NOXA1: variants seen among roughly 807,000 people sequenced by gnomAD.
NOXA1 encodes NADPH oxidase activator 1.
A neutral mutation model predicts 64.8 loss-of-function variants in NOXA1; 56 were observed. The observed-to-expected ratio is 0.86, with a 90% CI of 0.70 to 1.08. The LOEUF (loss-of-function observed/expected upper bound fraction) is 1.08. NOXA1 is among the 50% of genes least tolerant of loss of function. The probability of loss-of-function intolerance (pLI) is 0.00; values close to 1 mark genes in which losing one functional copy is unlikely to be tolerated. For missense variants in NOXA1, 668 were observed against 658.5 expected (o/e 1.01, Z -0.16); for synonymous variants, 295 against 294.8 (o/e 1.00, Z -0.01).
chr9:137,428,974 G>C lies in NOXA1; in HGVS notation c.462G>C (p.Glu154Asp), dbSNP rs748200255. The stretch of plus-strand genomic sequence containing the variant: ...GGGAGGCCATGTCCAAGTGGCCGGA[G>C]GGGTCCCTGAATGGCCTGGACTCAG... ...SLREAMSKWP[E>D]GSLNGLDSAL... is the part of the protein sequence containing the mutation. Residue 154 changes from glutamate to aspartate, a missense_variant, in exon 4 of 14, where the codon GAG becomes GAC. Glu to Asp is a conservative substitution (Grantham distance 45, BLOSUM62 2). Coordinates refer to ENST00000683555, the MANE Select transcript of NOXA1 (RefSeq NM_001256067.2). The C allele has an allele frequency of 2.3e-5, 36 of 1,598,632 alleles. No individual in the cohort carries two copies. The highest frequency in any genetic ancestry group is 3.0e-5 in the Non-Finnish European group (35 of 1,172,972).
intron 6 of NOXA1, 85 bp from the exon 7 acceptor site, chr9:137,430,990 G>A: frequency 6.2e-7 from 1 of 1,605,206 alleles, no homozygotes; most frequent in Non-Finnish European, 8.5e-7. Flanking sequence ...TGTAAGACCT[G>A]GGGAAACCAC....
chr9:137,433,335 C>G, intron 10 of NOXA1, 72 bp downstream of exon 10: 1 of 1,489,538 alleles, frequency 6.7e-7, no homozygotes, highest in Non-Finnish European at 9.0e-7. Flanking sequence ...CCCTCAGAAT[C>G]AAGGCTTGCA....
intron 5 of NOXA1, among the ~76,000 whole-genome samples, chr9:137,429,850 G>T (rs1250677761): frequency 5.2e-4 from 12 of 23,038 alleles, no homozygotes; most frequent in African/African-American, 1.6e-3. Flanking sequence ...GCGAGGTCCC[G>T]GGGGGGGGGG....
Position 137,434,061 on chromosome 9 carries a change from G to A in NOXA1, c.1276G>A (p.Val426Met). 15 of 1,580,298 alleles carry A rather than the reference G, an allele frequency of 9.5e-6. No homozygotes were observed. Among genetic ancestry groups the A allele is most frequent in the Non-Finnish European group, 1.3e-5 (15 of 1,167,816 alleles). Residue 426 changes from valine (V) to methionine (M), a missense_variant, in exon 13 of 14, where the codon GTG (valine) becomes ATG (methionine). By Grantham distance (21) the Val-to-Met change is conservative. Transcript: ENST00000683555. ...CCTGGGCTTCCGACAGGGGGACACGGTGGACGTCCTGTGTGAAGGTAGGGT... is the reference window on the plus strand; with the variant it reads ...CCTGGGCTTCCGACAGGGGGACACGATGGACGTCCTGTGTGAAGGTAGGGT... ...EDLGFRQGDT[V>M]DVLCEVDQAW...
chr9:137,428,549 G>A (rs1838939483), intron 3 of NOXA1, among the ~76,000 whole-genome samples: 1 of 151,824 alleles, frequency 6.6e-6, no homozygotes, highest in Non-Finnish European at 1.5e-5. Flanking sequence ...GAATAGCATT[G>A]TCTTTTAGGA....
Position 137,423,555 on chromosome 9 carries a change from G to C in NOXA1, c.26G>C (p.Arg9Pro). Residue 9 changes from arginine to proline, a missense_variant, in exon 1 of 14, where the codon CGC becomes CCC. Physicochemically the swap from Arg to Pro is moderately radical, Grantham distance 103 (BLOSUM62 -2). Transcript: ENST00000683555. MASLGDLV[R>P]AWHLGAQAVD... Reference sequence around the variant, plus strand: ...ATGGCCTCTCTGGGGGACCTGGTGCGCGCCTGGCACCTGGGCGCGCAGGCT... The same window carrying C: ...ATGGCCTCTCTGGGGGACCTGGTGCCCGCCTGGCACCTGGGCGCGCAGGCT... 1 of 1,445,814 alleles carries C rather than the reference G, an allele frequency of 6.9e-7. No homozygotes were observed. The highest frequency in any genetic ancestry group is 1.4e-5 in the South Asian group (1 of 70,974). The allele number at this position is 1,445,814 out of a possible 1,614,324, so 89.6% of individuals were successfully genotyped here. A position where few individuals can be genotyped will look rare whatever the true frequency, so the allele number is the denominator to read the frequency against.
At position 137,433,764 on chromosome 9, in the gene NOXA1, G is replaced by C. The variant is rs201168117; in HGVS notation, c.1079G>C (p.Gly360Ala). 4.2e-4 allele frequency: 619 copies of C among 1,457,720 alleles called. 6 individuals are homozygous for C. The highest frequency in any genetic ancestry group is 8.1e-5 in the Admixed American group (3 of 37,152). 90.3% of individuals were successfully genotyped at this position (1,457,720 alleles called of 1,614,324 possible). The change falls in exon 12 of 14, where the codon GGT (glycine) becomes GCT (alanine). Residue 360 changes from glycine to alanine, a missense_variant. Gly to Ala is a moderately conservative substitution (Grantham distance 60). Coordinates refer to ENST00000683555, the MANE Select transcript of NOXA1 (RefSeq NM_001256067.2). ...TCTCTTTGCAGTTACCTAGCCCCAGGTGAGGACGGGCACTGGGTCCCCATC... is the reference window on the plus strand; with the variant it reads ...TCTCTTTGCAGTTACCTAGCCCCAGCTGAGGACGGGCACTGGGTCCCCATC... ...QLGQLSYLAP[G>A]EDGHWVPIPE...
In NOXA1 at chr9:137,430,358, GCTGGCCACGCCCCGGA is replaced by G. The variant is rs1306764652; in HGVS notation, c.613-412_613-397del. 1.4e-4 allele frequency among the ~76,000 whole-genome samples: 21 copies of G among 152,252 alleles called. 1 individual carries two copies. The East Asian group carries it at 1.7e-3, about 13-fold the overall frequency. Reference sequence around the variant, plus strand: ...GTGGGCAAAGACTGGGTCACCCTTGGCTGGCCACGCCCCGGACTGGCCACGCCCCATTGGCTGGCCA... The same window carrying G: ...GTGGGCAAAGACTGGGTCACCCTTGGCTGGCCACGCCCCATTGGCTGGCCA... On this transcript the variant is annotated intron_variant, in intron 5 of 13. Transcript: ENST00000683555.
intron 6 of NOXA1, 24 bp downstream of exon 6, chr9:137,430,867 C>A (rs536209715): frequency 1.3e-6 from 2 of 1,565,498 alleles, no homozygotes. Flanking sequence ...CCCTCAGACC[C>A]CTGCCTGGCC....
rs1263678024 is a variant in NOXA1, at chr9:137,426,321, A to C, written c.251A>C (p.Gln84Pro). 4 of 1,613,726 alleles carry C rather than the reference A, an allele frequency of 2.5e-6. No individual in the cohort carries two copies. The South Asian group carries it at 4.4e-5, about 18-fold the overall frequency. ...GFFQRGVANF[Q>P]LARFQEALSD... ...TTCCAGCGAGGAGTGGCCAACTTCC[A>C]GCTGGCAAGGTGAGTACAGGGGTGC... Residue 84 changes from glutamine to proline, a missense_variant, in exon 2 of 14, where the codon CAG (glutamine) becomes CCG (proline). Coordinates refer to ENST00000683555, the MANE Select transcript of NOXA1 (RefSeq NM_001256067.2).
intron 5 of NOXA1, among the ~76,000 whole-genome samples, chr9:137,429,716 G>C (rs563793338): frequency 6.6e-6 from 1 of 152,048 alleles, no homozygotes; most frequent in African/African-American, 2.4e-5. Flanking sequence ...GTCTCTCTGC[G>C]TCCTTTCATG....
chr9:137,433,421 C>A, intron 10 of NOXA1, 32 bp from the exon 11 acceptor site: 1 of 1,573,374 alleles, frequency 6.4e-7, no homozygotes. Context: ...TGGGCCTCAG[C>A]GACCACCCCT....
chr9:137,434,234 A>G lies in NOXA1; in HGVS notation c.1305A>G (p.Ala435=), dbSNP rs1472566898. Reference sequence around the variant, plus strand: ...ATGTCCCCCTTGCAGTGGACCAGGCATGGCTGGAGGGCCACTGTGACGGCC... The same window carrying G: ...ATGTCCCCCTTGCAGTGGACCAGGCGTGGCTGGAGGGCCACTGTGACGGCC... ...TVDVLCEVDQ[A]WLEGHCDGRI... is the part of the protein sequence containing the mutation. The change falls in exon 14 of 14, where the codon GCA becomes GCG. Residue 435 remains alanine (A), a synonymous_variant. Transcript: ENST00000683555. 3.1e-6 allele frequency: 5 copies of G among 1,610,006 alleles called. No individual in the cohort carries two copies. Among genetic ancestry groups the G allele is most frequent in the Non-Finnish European group, 4.2e-6 (5 of 1,179,284 alleles).
rs1388827649 is a variant in NOXA1, at chr9:137,431,419, C to T, written c.804+78C>T. The T allele has an allele frequency of 8.3e-7, 1 of 1,204,784 alleles. No individual in the cohort carries two copies. Among genetic ancestry groups the T allele is most frequent in the Non-Finnish European group, 1.2e-6 (1 of 831,424 alleles). The allele number at this position is 1,204,784 out of a possible 1,614,324, so 74.6% of individuals were successfully genotyped here. ...CCGCAGACTGGGGACCACAATGGGA[C>T]CAACATGAGGGTGGAGGGAGCAGCT... On this transcript the variant is annotated intron_variant, in intron 8 of 13. Transcript: ENST00000683555. This position sits in a 1 kb window ranked among gnomAD's most constrained non-coding sequence, Gnocchi z 5.6.
At position 137,431,906 on chromosome 9, in the gene NOXA1, G is replaced by A. The variant is rs1326490503; in HGVS notation, c.804+565G>A. Among the ~76,000 whole-genome samples the A allele has an allele frequency of 1.3e-5, 2 of 152,188 alleles. No homozygotes were observed. The highest frequency in any genetic ancestry group is 2.9e-5 in the Non-Finnish European group (2 of 68,032). ...AAGGCACCTGCATTTCACGCTGAGC[G>A]CATCTGAGGATGCGATCAGGAAGCA... On this transcript the variant is annotated intron_variant, in intron 8 of 13. Coordinates refer to ENST00000683555, the MANE Select transcript of NOXA1 (RefSeq NM_001256067.2). This position sits in a 1 kb window ranked among gnomAD's most constrained non-coding sequence, Gnocchi z 5.6.
At position 137,429,306 on chromosome 9, in the gene NOXA1, C is replaced by A. The variant is rs150380019; in HGVS notation, c.535C>A (p.Pro179Thr). Reference sequence around the variant, plus strand: ...GGGCTCACTGCCGCCACGGCAGGTCCCCAGGGGCGAGGTCTTCCGGCCCCA... The same window carrying A: ...GGGCTCACTGCCGCCACGGCAGGTCACCAGGGGCGAGGTCTTCCGGCCCCA... The part of the protein sequence containing the change: ...RRGSLPPRQV[P>T]RGEVFRPHRW... Residue 179 changes from proline to threonine, a missense_variant, in exon 5 of 14, where the codon CCC becomes ACC. By Grantham distance (38) the Pro-to-Thr change is conservative. Transcript: ENST00000683555. The A allele has an allele frequency of 5.1e-6, 8 of 1,575,038 alleles. No individual in the cohort carries two copies. Among genetic ancestry groups the A allele is most frequent in the Non-Finnish European group, 6.0e-6 (7 of 1,161,380 alleles).
intron 4 of NOXA1, 99 bp from the exon 5 acceptor site, chr9:137,429,177 G>A (rs1005075794): frequency 7.6e-7 from 1 of 1,324,110 alleles, no homozygotes; most frequent in African/African-American, 1.5e-5. Flanking sequence ...GGGGGTGGGG[G>A]GCCCAAGCGG....
In NOXA1 at chr9:137,431,063, T is replaced by C. The variant is rs766118347; in HGVS notation, c.673-12T>C. 9.7e-5 allele frequency: 156 copies of C among 1,613,148 alleles called. No homozygotes were observed. Among genetic ancestry groups the C allele is most frequent in the Middle Eastern group, 4.9e-4 (3 of 6,082 alleles). ...CCTTAACCAGAGCGAGGTTGTTGCT[T>C]TGTGTCCACAGGGACCAGGAGCGAA... On this transcript the variant is annotated splice_polypyrimidine_tract_variant and intron_variant, in intron 6 of 13. Transcript: ENST00000683555. This position sits in a 1 kb window ranked among gnomAD's most constrained non-coding sequence, Gnocchi z 5.6.
At chr9:137,434,115 G>A (rs1209140551) in intron 13 of NOXA1, 36 bp downstream of exon 13, 6 of 1,582,266 alleles carry the variant, frequency 3.8e-6, no homozygotes, top group Non-Finnish European at 1.7e-6. Flanking sequence ...GCAGCACCGT[G>A]GTGCCCGGGG....
Sources: gnomAD v4.1 joint callset for allele counts (sites outside exome capture counted in the v4.1 genomes callset) on GRCh38, gnomAD v4.1.1 for gene constraint, Gnocchi (gnomAD v3.1) non-coding constraint, MANE v1.5 for transcripts, NCBI Gene and HGNC (gene_info 2026-07-23, HGNC 2026-07-21) for gene names.